The following SLC44A1 variants were observed in gnomAD, a reference collection of about 807,000 sequenced individuals.
SLC44A1 encodes the protein solute carrier family 44 member 1.
Under a neutral mutation model 79.3 loss-of-function variants are expected in SLC44A1, and 26 were observed. That is an observed-to-expected ratio of 0.33 (90% CI 0.24 to 0.46). The LOEUF is 0.46. Ranked by LOEUF, SLC44A1 falls within the 20% of genes least tolerant of loss-of-function variation. The pLI is 1.00. For synonymous variants in SLC44A1, 263 were observed against 286.2 expected (o/e 0.92, Z 0.82); for missense variants, 688 against 798.1 (o/e 0.86, Z 1.66).
chr9:105,419,501 G>A (rs1012020970), intron 15 of SLC44A1, among the ~76,000 whole-genome samples: 3 of 152,128 alleles, frequency 2.0e-5, no homozygotes, highest in African/African-American at 4.8e-5. Context: ...TCTATATTCC[G>A]AGAAGCCTCT....
Position 105,383,107 on chromosome 9 carries a change from G to C in SLC44A1, c.1633-16G>C, listed in dbSNP as rs1828521496. 1 of 1,572,590 alleles carries C rather than the reference G, an allele frequency of 6.4e-7. No homozygotes were observed. The highest frequency in any genetic ancestry group is 1.7e-5 in the Admixed American group (1 of 59,840). ...CAGTAGGATATTAAATATGATCTTT[G>C]TTCTCTCTGCTTCAGGTGCTGATAG... On this transcript the variant is annotated splice_polypyrimidine_tract_variant and intron_variant, in intron 13 of 15. Transcript: ENST00000374720.
chr9:105,299,434 A>G (rs1049954176), intron 2 of SLC44A1, 125 bp downstream of exon 2: 1 of 593,314 alleles, frequency 1.7e-6, no homozygotes, highest in Non-Finnish European at 2.7e-6. Context: ...ATTTTGTGTC[A>G]CTCTTGATTT....
chr9:105,400,818 T>C (rs533989809), downstream of SLC44A1, among the ~76,000 whole-genome samples: 35 of 152,364 alleles, frequency 2.3e-4, 1 homozygote, highest in South Asian at 7.0e-3. Context: ...AGCACTTACC[T>C]TTATTGAACC....
intron 15 of SLC44A1, among the ~76,000 whole-genome samples, chr9:105,387,060 A>AAATATATATATATAT (rs34780893): frequency 3.9e-4 from 3 of 7,730 alleles, no homozygotes; most frequent in African/African-American, 8.1e-4. Context: ...AAAAAAAAAA[A>AAATATATATATATAT]ATATATATAT....
intron 1 of SLC44A1, among the ~76,000 whole-genome samples, chr9:105,267,123 A>G (rs1280373338): frequency 6.6e-6 from 1 of 152,118 alleles, no homozygotes; most frequent in Non-Finnish European, 1.5e-5. Context: ...TTTTATTTTT[A>G]TGTCACATAT....
At chr9:105,419,596 C>T (rs977516991) in intron 15 of SLC44A1, among the ~76,000 whole-genome samples, 1 of 152,100 alleles carries the variant, frequency 6.6e-6, no homozygotes. Flanking sequence ...TACCTTCTAC[C>T]TAGTTCAGAA....
At chr9:105,257,119 G>A (rs1304798306) in intron 1 of SLC44A1, among the ~76,000 whole-genome samples, 2 of 148,586 alleles carry the variant, frequency 1.3e-5, no homozygotes, top group African/African-American at 5.0e-5. Flanking sequence ...TCTTTGAGAC[G>A]GAGTTTCGCT....
At chr9:105,316,168 G>C (rs1457667350) in intron 3 of SLC44A1, among the ~76,000 whole-genome samples, 2 of 151,998 alleles carry the variant, frequency 1.3e-5, no homozygotes, top group African/African-American at 4.8e-5. Flanking sequence ...CAGTTTTGTG[G>C]AGACAACAAT....
intron 1 of SLC44A1, among the ~76,000 whole-genome samples, chr9:105,248,631 C>A (rs904415275): frequency 2.0e-5 from 3 of 152,158 alleles, no homozygotes; most frequent in Admixed American, 6.5e-5. Context: ...CAAACCAACA[C>A]AGGACAGTCT....
At chr9:105,349,208 T>C (rs1827330776) in intron 5 of SLC44A1, among the ~76,000 whole-genome samples, 1 of 152,208 alleles carries the variant, frequency 6.6e-6, no homozygotes, top group African/African-American at 2.4e-5. Context: ...CCACATACTT[T>C]GGAGTGTTGG....
At chr9:105,299,662 C>A (rs1830824725) in intron 2 of SLC44A1, 2 of 452,998 alleles carry the variant, frequency 4.4e-6, no homozygotes, top group Non-Finnish European at 5.9e-6. Flanking sequence ...GTCATTTCCT[C>A]TCAGGGACTT....
In SLC44A1 at chr9:105,361,272, T is replaced by A. The variant is rs745925602; in HGVS notation, c.842T>A (p.Ile281Lys). The A allele has an allele frequency of 6.2e-7, 1 of 1,613,816 alleles. No individual in the cohort carries two copies. Among genetic ancestry groups the A allele is most frequent in the African/African-American group, 1.3e-5 (1 of 74,938 alleles). Residue 281 changes from isoleucine (I) to lysine (K), a missense_variant, in exon 8 of 16, where the codon ATA (isoleucine) becomes AAA (lysine). By Grantham distance (102) the Ile-to-Lys change is moderately radical (BLOSUM62 -3). Transcript: ENST00000374720. ...ACTGTTACTCCTGAGCAGCTTCAGA[T>A]AGCTGAAGACAATCTTCGGGCCCTC... Reference protein sequence around the residue: ...KETVTPEQLQIAEDNLRALLI... With the variant: ...KETVTPEQLQKAEDNLRALLI...
chr9:105,386,508 G>A, intron 15 of SLC44A1: 1 of 790,566 alleles, frequency 1.3e-6, no homozygotes, highest in Non-Finnish European at 1.5e-6. Flanking sequence ...CTTGCTGCCT[G>A]TGGGCCGCAT....
chr9:105,306,204 C>A (rs1323773963), intron 2 of SLC44A1, among the ~76,000 whole-genome samples: 1 of 152,132 alleles, frequency 6.6e-6, no homozygotes, highest in Non-Finnish European at 1.5e-5. Context: ...AGATTGCTTC[C>A]TACTCCATGC....
intron 1 of SLC44A1, among the ~76,000 whole-genome samples, chr9:105,275,391 A>G (rs966193080): frequency 6.6e-6 from 1 of 152,186 alleles, no homozygotes; most frequent in Admixed American, 6.5e-5. Context: ...TCAGAATGTC[A>G]TGAATATTGA....
In SLC44A1 at chr9:105,388,980, T is replaced by A. The variant is rs1207222480; in HGVS notation, c.1951-53T>A. 3.0e-6 allele frequency: 4 copies of A among 1,335,470 alleles called. No homozygotes were observed. In the African/African-American group the frequency reaches 4.3e-5, roughly 14 times the overall value. The allele number at this position is 1,335,470 out of a possible 1,614,324, so 82.7% of individuals were successfully genotyped here. ...TATATTTGTAACATCATTCATGATC[T>A]CCTTTTAATGGTAATTGTCTAAGAT... On this transcript the variant is annotated intron_variant, in intron 15 of 15. Coordinates refer to ENST00000374720, the MANE Select transcript of SLC44A1 (RefSeq NM_080546.5).
chr9:105,302,887 G>A (rs945001593), intron 2 of SLC44A1, among the ~76,000 whole-genome samples: 22 of 152,156 alleles, frequency 1.4e-4, no homozygotes, highest in African/African-American at 5.1e-4. Flanking sequence ...AGAGGTTTCA[G>A]GCAGATCACT....
chr9:105,390,675 TTACTC>T lies in SLC44A1; in HGVS notation c.*1622_*1626del, dbSNP rs1388343745. The T allele has an allele frequency of 6.1e-6, 6 of 985,522 alleles. No homozygotes were observed. Among genetic ancestry groups the T allele is most frequent in the South Asian group, 4.7e-5 (1 of 21,288 alleles). 61.0% of individuals were successfully genotyped at this position (985,522 alleles called of 1,614,324 possible). A position where few individuals can be genotyped will look rare whatever the true frequency, so the allele number is the denominator to read the frequency against. On this transcript the variant is annotated 3_prime_UTR_variant, in exon 16 of 16. Transcript: ENST00000374720. The stretch of plus-strand genomic sequence containing the variant: ...ATTTTTTTTTAAGTATTGGTGTTCT[TTACTC>T]TAGCTAGGCTAAAATTTGCTAAATG...
At chr9:105,325,000 G>A (rs1347041823) in intron 3 of SLC44A1, among the ~76,000 whole-genome samples, 5 of 152,192 alleles carry the variant, frequency 3.3e-5, no homozygotes, top group South Asian at 4.1e-4. Context: ...CCACTCCTTC[G>A]TATCTACCCA....
Sources: allele counts gnomAD v4.1 joint callset (sites outside exome capture counted in the v4.1 genomes callset), GRCh38; gene constraint gnomAD v4.1.1; transcripts MANE v1.5; gene names NCBI Gene and HGNC (gene_info 2026-07-23, HGNC 2026-07-21).